The following HIP1 variants were observed in gnomAD, a reference collection of about 807,000 sequenced individuals.
HIP1 encodes huntingtin-interacting protein 1.
In HIP1, 65 loss-of-function variants were observed where a neutral mutation model predicts 147.6. That is an observed-to-expected ratio of 0.44 (90% CI 0.36 to 0.54). The LOEUF is 0.54. Ranked by LOEUF, HIP1 falls within the 20% of genes least tolerant of loss-of-function variation. The probability of loss-of-function intolerance (pLI) is 0.00; values close to 1 mark genes in which losing one functional copy is unlikely to be tolerated. For synonymous variants in HIP1, 479 were observed against 504.0 expected, an observed-to-expected ratio of 0.95 and a Z score of 0.67; for missense variants, 1,061 against 1,299.6, an observed-to-expected ratio of 0.82 and a Z score of 2.82.
chr7:75,599,387 A>G, intron 1 of HIP1, 140 bp from the exon 2 acceptor site: 1 of 666,216 alleles, frequency 1.5e-6, no homozygotes, highest in Non-Finnish European at 2.7e-6. Context: ...GTTCCTCTGC[A>G]GGCGCCCAGC....
intron 4 of HIP1, 28 bp downstream of exon 4, chr7:75,592,028 T>C: frequency 6.3e-7 from 1 of 1,588,108 alleles, no homozygotes; most frequent in East Asian, 2.2e-5. Flanking sequence ...GAGAAGCAGG[T>C]GGCTCCTGAG....
intron 1 of HIP1, among the ~76,000 whole-genome samples, chr7:75,696,959 T>C (rs114499713): frequency 6.6e-6 from 1 of 151,284 alleles, no homozygotes; most frequent in Non-Finnish European, 1.5e-5. Context: ...CCTCCCCCCA[T>C]CCCAAAATGC....
At chr7:75,584,553 GT>G (rs1796182719) in intron 5 of HIP1, among the ~76,000 whole-genome samples, 2 of 152,134 alleles carry the variant, frequency 1.3e-5, no homozygotes. Context: ...TTCGACCCCA[GT>G]TCTCCAAGCC....
At chr7:75,662,685 T>C (rs985781407) in intron 1 of HIP1, among the ~76,000 whole-genome samples, 4 of 152,090 alleles carry the variant, frequency 2.6e-5, no homozygotes, top group Non-Finnish European at 5.9e-5. Context: ...TCTGTATTTT[T>C]AGTAGAGACG....
chr7:75,676,981 G>C (rs1388226589), intron 1 of HIP1, among the ~76,000 whole-genome samples: 12 of 151,030 alleles, frequency 7.9e-5, no homozygotes, highest in Admixed American at 7.9e-4. Context: ...GATCACCTGA[G>C]GTCAGGAGTT....
chr7:75,611,874 C>T (rs2117058934), intron 1 of HIP1: 1 of 1,018,124 alleles, frequency 9.8e-7, no homozygotes, highest in South Asian at 4.6e-5. Context: ...GCGCCTTTCT[C>T]CCAGCCTCTC....
intron 14 of HIP1, among the ~76,000 whole-genome samples, chr7:75,558,921 A>G (rs782470940): frequency 1.5e-4 from 23 of 152,300 alleles, no homozygotes; most frequent in Non-Finnish European, 2.8e-4. Context: ...CGGGAGGCTG[A>G]GGCAGGACAA....
intron 1 of HIP1, chr7:75,625,507 G>C (rs934652833): frequency 6.6e-6 from 1 of 152,394 alleles, no homozygotes; most frequent in Admixed American, 6.6e-5. Flanking sequence ...AACCAGCTGA[G>C]AAGCTGGTGT....
At chr7:75,591,315 G>A (rs901331128) in intron 4 of HIP1, among the ~76,000 whole-genome samples, 3 of 152,058 alleles carry the variant, frequency 2.0e-5, no homozygotes, top group Non-Finnish European at 2.9e-5. Context: ...TTACAGGCGT[G>A]AGCCACTGCG....
At chr7:75,538,721 CCCA>C (rs1277413562) in intron 30 of HIP1, among the ~76,000 whole-genome samples, 1 of 151,980 alleles carries the variant, frequency 6.6e-6, no homozygotes, top group Non-Finnish European at 1.5e-5. Flanking sequence ...ACTACAGGCG[CCCA>C]CCACCACGCC....
At chr7:75,727,255 C>T (rs782008470) in intron 1 of HIP1, among the ~76,000 whole-genome samples, 25 of 151,946 alleles carry the variant, frequency 1.6e-4, no homozygotes, top group South Asian at 4.2e-4. Flanking sequence ...TATAGATGTA[C>T]ACCTAAGTTT....
intron 7 of HIP1, among the ~76,000 whole-genome samples, chr7:75,574,405 A>G (rs911059725): frequency 6.6e-5 from 10 of 150,460 alleles, no homozygotes; most frequent in African/African-American, 2.2e-4. Context: ...CCTCTCCAAC[A>G]TGGGAAAACC....
intron 8 of HIP1, among the ~76,000 whole-genome samples, chr7:75,571,540 A>G (rs1554496638): frequency 6.6e-6 from 1 of 152,188 alleles, no homozygotes; most frequent in African/African-American, 2.4e-5. Context: ...TTACTTGTCA[A>G]TAACCGCAGT....
chr7:75,548,885 T>A lies in HIP1; in HGVS notation c.2406+6A>T. 1 of 1,601,614 alleles carries A rather than the reference T, an allele frequency of 6.2e-7. No individual in the cohort carries two copies. The highest frequency in any genetic ancestry group is 8.6e-7 in the Non-Finnish European group (1 of 1,168,540). On this transcript the variant is annotated splice_donor_region_variant and intron_variant, in intron 23 of 30. Coordinates refer to ENST00000336926, the MANE Select transcript of HIP1 (RefSeq NM_005338.7). ...CGTTTCAGGAGATCCTGCAGGAACCTCCTACCTCTATTCTGGCCGTGGCAG... is the reference window on the plus strand; with the variant it reads ...CGTTTCAGGAGATCCTGCAGGAACCACCTACCTCTATTCTGGCCGTGGCAG...
rs1450659686 is a variant in HIP1, at chr7:75,562,081, C to T, written c.1110G>A (p.Lys370=). The part of the protein sequence containing the change: ...FNFNSQNGVN[K]DEKDHLIERL... ...ACCCAGCTTGGACTCACTTCTCATC[C>T]TTGTTCACACCATTTTGACTGTTGA... The change falls in exon 12 of 31, where the codon AAG becomes AAA. Residue 370 remains lysine (K), a synonymous_variant. Transcript: ENST00000336926. 6.2e-7 allele frequency: 1 copy of T among 1,606,106 alleles called. No homozygotes were observed. Among genetic ancestry groups the T allele is most frequent in the Non-Finnish European group, 8.5e-7 (1 of 1,172,810 alleles).
At chr7:75,606,102 A>T (rs964290652) in intron 1 of HIP1, among the ~76,000 whole-genome samples, 3 of 152,098 alleles carry the variant, frequency 2.0e-5, no homozygotes, top group Non-Finnish European at 4.4e-5. Flanking sequence ...TATTGCTTCA[A>T]CCTCCTAAAG....
chr7:75,713,823 C>A (rs1554520322), intron 1 of HIP1, among the ~76,000 whole-genome samples: 1 of 151,582 alleles, frequency 6.6e-6, no homozygotes, highest in African/African-American at 2.4e-5. Flanking sequence ...GCCTCAGCCT[C>A]CCGAGTAGCT....
chr7:75,630,061 G>A (rs1554508662), intron 1 of HIP1, among the ~76,000 whole-genome samples: 1 of 152,086 alleles, frequency 6.6e-6, no homozygotes, highest in Non-Finnish European at 1.5e-5. Flanking sequence ...GGGAGGCTGA[G>A]GTGGGAGGAT....
chr7:75,654,567 A>G (rs549730403), intron 1 of HIP1: 2 of 152,280 alleles, frequency 1.3e-5, no homozygotes, highest in African/African-American at 2.4e-5. Flanking sequence ...ACTCGGTACC[A>G]CCAGAGGCTG....
Sources: allele counts gnomAD v4.1 joint callset (sites outside exome capture counted in the v4.1 genomes callset), GRCh38; gene constraint gnomAD v4.1.1; transcripts MANE v1.5; gene names NCBI Gene and HGNC (gene_info 2026-07-23, HGNC 2026-07-21).